The following AKAP7 variants were observed in gnomAD, a reference collection of about 807,000 sequenced individuals.
AKAP7 encodes the protein A-kinase anchoring protein 7.
Under a neutral mutation model 39.5 loss-of-function variants are expected in AKAP7, and 39 were observed. The ratio of observed to expected loss-of-function variants is 0.99; its 90% CI spans 0.76 to 1.29. AKAP7 has a LOEUF of 1.29. AKAP7 is among the 50% of genes most tolerant of loss of function. AKAP7 has a pLI of 0.00. For synonymous variants in AKAP7, 140 were observed against 139.1 expected (o/e 1.01, Z -0.05); for missense variants, 414 against 407.7 (o/e 1.02, Z -0.13).
At chr6:131,242,501 A>G (rs1235291967) in intron 7 of AKAP7, among the ~76,000 whole-genome samples, 1 of 149,672 alleles carries the variant, frequency 6.7e-6, no homozygotes, top group Non-Finnish European at 1.5e-5. Context: ...TATATATATA[A>G]TTATATATAT....
chr6:131,250,459 C>T (rs11538900), intron 7 of AKAP7: 37 of 1,578,606 alleles, frequency 2.3e-5, no homozygotes, highest in Non-Finnish European at 2.9e-5. Context: ...TGTGCTGCTC[C>T]GTGGAGTGAA....
Position 131,211,256 on chromosome 6 carries a change from T to C in AKAP7, c.703-8405T>C, listed in dbSNP as rs576623419. Among the ~76,000 whole-genome samples, 3 of 152,346 alleles carry C rather than the reference T, an allele frequency of 2.0e-5. No individual in the cohort carries two copies. The East Asian group carries it at 5.8e-4, about 29-fold the overall frequency. ...CTTAAGATACAAAATCCTTGTCTTT[T>C]GTCAATTTTTTCTTTTCCTGCCCCA... On this transcript the variant is annotated intron_variant, in intron 6 of 7. Transcript: ENST00000431975.
At position 131,169,282 on chromosome 6, in the gene AKAP7, G is replaced by A; in HGVS notation, c.589+9G>A. On this transcript the variant is annotated intron_variant, in intron 5 of 7. Coordinates refer to ENST00000431975, the MANE Select transcript of AKAP7 (RefSeq NM_016377.4). ...ACTTTTGGAGATAGCAGGTAAAACA[G>A]CAACACACTCATATGAAATCTTGTC... 1 of 1,613,058 alleles carries A rather than the reference G, an allele frequency of 6.2e-7. No homozygotes were observed. The highest frequency in any genetic ancestry group is 8.5e-7 in the Non-Finnish European group (1 of 1,179,640).
chr6:131,195,114 CCTTT>C (rs1263933164), intron 5 of AKAP7, among the ~76,000 whole-genome samples: 1 of 151,826 alleles, frequency 6.6e-6, no homozygotes, highest in South Asian at 2.1e-4. Context: ...CTCTCCTCCT[CCTTT>C]CTTCTTGCCT....
intron 7 of AKAP7, among the ~76,000 whole-genome samples, chr6:131,222,342 C>A (rs985777881): frequency 1.3e-5 from 2 of 151,938 alleles, no homozygotes; most frequent in Non-Finnish European, 1.5e-5. Flanking sequence ...TGGCTAACAC[C>A]GTGAAACCCT....
intron 7 of AKAP7, among the ~76,000 whole-genome samples, chr6:131,247,042 C>T (rs1410209624): frequency 6.6e-6 from 1 of 151,922 alleles, no homozygotes; most frequent in Non-Finnish European, 1.5e-5. Context: ...GTAATACCAC[C>T]ATCTTCAGAG....
At chr6:131,266,771 AAGATGACC>A (rs1813836111) in intron 7 of AKAP7, among the ~76,000 whole-genome samples, 1 of 152,086 alleles carries the variant, frequency 6.6e-6, no homozygotes, top group Non-Finnish European at 1.5e-5. Context: ...AAGTTGGCCA[AAGATGACC>A]CTTTCTCTTG....
intron 2 of AKAP7, among the ~76,000 whole-genome samples, chr6:131,148,441 A>C (rs1443855971): frequency 6.9e-6 from 1 of 143,964 alleles, no homozygotes; most frequent in Non-Finnish European, 1.5e-5. Flanking sequence ...ATCTACTTGG[A>C]CCTTTGACAC....
intron 7 of AKAP7, among the ~76,000 whole-genome samples, chr6:131,264,197 G>A (rs986852799): frequency 2.0e-5 from 3 of 152,202 alleles, no homozygotes; most frequent in Non-Finnish European, 4.4e-5. Flanking sequence ...AGCTGAAACT[G>A]TGGATGATTG....
chr6:131,168,911 G>A (rs962387860), intron 4 of AKAP7, among the ~76,000 whole-genome samples: 3 of 152,206 alleles, frequency 2.0e-5, no homozygotes, highest in Admixed American at 1.3e-4. Context: ...ATTAGGTAAA[G>A]ATTTCTTTAC....
chr6:131,258,927 G>T (rs1488777466), intron 7 of AKAP7, among the ~76,000 whole-genome samples: 1 of 152,086 alleles, frequency 6.6e-6, no homozygotes, highest in Non-Finnish European at 1.5e-5. Flanking sequence ...GATTGACAGA[G>T]GATCTCATAT....
chr6:131,180,356 C>T (rs1351035822), intron 5 of AKAP7, among the ~76,000 whole-genome samples: 2 of 152,096 alleles, frequency 1.3e-5, no homozygotes, highest in Non-Finnish European at 1.5e-5. Flanking sequence ...TCTTTATTAC[C>T]TCCTTTCCCC....
chr6:131,147,680 T>A (rs1255216686), intron 2 of AKAP7, among the ~76,000 whole-genome samples: 1 of 152,246 alleles, frequency 6.6e-6, no homozygotes, highest in African/African-American at 2.4e-5. Context: ...AATTTGGATA[T>A]AAATAAAGAA....
intron 6 of AKAP7, among the ~76,000 whole-genome samples, chr6:131,208,942 C>G (rs1325229689): frequency 1.3e-5 from 2 of 152,146 alleles, no homozygotes; most frequent in Admixed American, 6.5e-5. Flanking sequence ...TTTTATTGGC[C>G]AAAGCAAGTC....
Position 131,201,899 on chromosome 6 carries a change from T to C in AKAP7, c.702+2326T>C, listed in dbSNP as rs186504054. Among the ~76,000 whole-genome samples the C allele has an allele frequency of 1.5e-3, 233 of 152,300 alleles. 1 individual carries two copies. The highest frequency in any genetic ancestry group is 3.0e-3 in the Non-Finnish European group (207 of 68,032). On this transcript the variant is annotated intron_variant, in intron 6 of 7. Transcript: ENST00000431975. ...CTCAGGTTTGTCAAAGATCAGATAG[T>C]TGTAGATATGCAGCGTTATCAACAA...
At chr6:131,181,018 C>T (rs1348357383) in intron 5 of AKAP7, among the ~76,000 whole-genome samples, 1 of 147,494 alleles carries the variant, frequency 6.8e-6, no homozygotes, top group Non-Finnish European at 1.5e-5. Flanking sequence ...GTGGCACTGT[C>T]TCAGCCTCCT....
intron 6 of AKAP7, among the ~76,000 whole-genome samples, chr6:131,201,229 A>C (rs947107618): frequency 7.9e-5 from 12 of 152,144 alleles, no homozygotes; most frequent in Admixed American, 6.6e-4. Context: ...CAGTTCACGC[A>C]GAGTCATTTC....
intron 7 of AKAP7, among the ~76,000 whole-genome samples, chr6:131,251,959 G>A (rs34128642): frequency 0.14 from 21,234 of 152,276 alleles, 1,860 homozygotes; most frequent in Middle Eastern, 0.28. Flanking sequence ...GGCATGGGCC[G>A]ATGCAGGGAT....
intron 7 of AKAP7, among the ~76,000 whole-genome samples, chr6:131,236,084 AG>A (rs1444823623): frequency 2.0e-5 from 3 of 152,192 alleles, no homozygotes; most frequent in Non-Finnish European, 4.4e-5. Context: ...TTTTTGTATA[AG>A]GTGTAAAGAA....
Sources: gnomAD v4.1 joint callset for allele counts (sites outside exome capture counted in the v4.1 genomes callset) on GRCh38, gnomAD v4.1.1 for gene constraint, MANE v1.5 for transcripts, NCBI Gene and HGNC (gene_info 2026-07-23, HGNC 2026-07-21) for gene names.